Variants in NXPE2 observed in about 807,000 individuals in gnomAD.
NXPE2 encodes the protein NXPE family member 2.
A neutral mutation model predicts 34.4 loss-of-function variants in NXPE2; 34 were observed. That is an observed-to-expected ratio of 0.99 (90% CI 0.75 to 1.31). The LOEUF (loss-of-function observed/expected upper bound fraction) is 1.31. NXPE2 is among the 40% of genes most tolerant of loss of function. NXPE2 has a pLI of 0.00. For synonymous variants in NXPE2, 235 were observed against 231.3 expected, an observed-to-expected ratio of 1.02 and a Z score of -0.15; for missense variants, 649 against 672.5, an observed-to-expected ratio of 0.97 and a Z score of 0.39.
chr11:114,469,335 G>A, the NXPE2 span, among the ~76,000 whole-genome samples: 2 of 151,204 alleles, frequency 1.3e-5, no homozygotes, highest in Admixed American at 6.6e-5. Flanking sequence ...GGATGGTCTC[G>A]ATCTCTTGAC....
the NXPE2 span, among the ~76,000 whole-genome samples, chr11:114,739,590 G>A: frequency 3.3e-5 from 5 of 152,128 alleles, no homozygotes; most frequent in East Asian, 9.7e-4. Flanking sequence ...TGTGTGTGGT[G>A]AGAATACTTA....
At chr11:114,764,225 A>C in the NXPE2 span, among the ~76,000 whole-genome samples, 1 of 152,200 alleles carries the variant, frequency 6.6e-6, no homozygotes, top group African/African-American at 2.4e-5. Context: ...GGGGATAGCT[A>C]GATGTAAATT....
chr11:114,789,783 T>A, the NXPE2 span, among the ~76,000 whole-genome samples: 1 of 152,166 alleles, frequency 6.6e-6, no homozygotes, highest in African/African-American at 2.4e-5. Flanking sequence ...GCTCCACTTA[T>A]CTCCATTATT....
chr11:114,725,359 C>T, the NXPE2 span, among the ~76,000 whole-genome samples: 2 of 152,066 alleles, frequency 1.3e-5, no homozygotes, highest in East Asian at 3.9e-4. Flanking sequence ...TGCCTTTGAC[C>T]TAGTTAAAGC....
chr11:114,497,431 T>C, the NXPE2 span, among the ~76,000 whole-genome samples: 2 of 152,222 alleles, frequency 1.3e-5, no homozygotes, highest in Non-Finnish European at 2.9e-5. Context: ...GCTCCATTTA[T>C]GGTAAGTACC....
the NXPE2 span, among the ~76,000 whole-genome samples, chr11:114,757,016 T>A: frequency 1.3e-5 from 2 of 152,300 alleles, no homozygotes; most frequent in South Asian, 4.2e-4. Flanking sequence ...ACAATAGTCC[T>A]TGTTAATTTA....
the NXPE2 span, among the ~76,000 whole-genome samples, chr11:114,503,890 G>A: frequency 6.6e-6 from 1 of 152,198 alleles, no homozygotes; most frequent in Non-Finnish European, 1.5e-5. Flanking sequence ...GGTCTAACCT[G>A]AGCACTCTTT....
the NXPE2 span, chr11:114,522,310 G>T: frequency 6.2e-7 from 1 of 1,614,062 alleles, no homozygotes; most frequent in Non-Finnish European, 8.5e-7. Context: ...AGGTGATGAC[G>T]ATGGCTGTGT....
the NXPE2 span, among the ~76,000 whole-genome samples, chr11:114,589,975 G>C: frequency 6.6e-6 from 1 of 152,180 alleles, no homozygotes; most frequent in Non-Finnish European, 1.5e-5. Flanking sequence ...TACAGTCTTA[G>C]ATTTAAAGGA....
the NXPE2 span, among the ~76,000 whole-genome samples, chr11:114,803,078 G>T: frequency 0.022 from 3,422 of 152,222 alleles, 63 homozygotes; most frequent in Non-Finnish European, 0.033. Context: ...TCTACTCAGC[G>T]CTCTCCTGCC....
the NXPE2 span, among the ~76,000 whole-genome samples, chr11:114,615,770 C>T: frequency 6.6e-6 from 1 of 151,630 alleles, no homozygotes; most frequent in Non-Finnish European, 1.5e-5. Flanking sequence ...AGTACTGCCT[C>T]ATGGGTAACC....
the NXPE2 span, among the ~76,000 whole-genome samples, chr11:114,626,065 A>G: frequency 3.3e-5 from 5 of 152,216 alleles, no homozygotes; most frequent in Non-Finnish European, 5.9e-5. Context: ...CAGCAGTCTG[A>G]GATCAAACTG....
At chr11:114,771,131 T>C in the NXPE2 span, among the ~76,000 whole-genome samples, 2 of 151,978 alleles carry the variant, frequency 1.3e-5, no homozygotes, top group African/African-American at 4.8e-5. Flanking sequence ...CTTGCAGCAC[T>C]GACTGACTTT....
At chr11:114,785,185 G>T in the NXPE2 span, among the ~76,000 whole-genome samples, 1 of 151,940 alleles carries the variant, frequency 6.6e-6, no homozygotes, top group East Asian at 1.9e-4. Flanking sequence ...GCTTCTGCAT[G>T]AACAAAGCCC....
the NXPE2 span, among the ~76,000 whole-genome samples, chr11:114,578,657 A>T: frequency 1.3e-5 from 2 of 152,154 alleles, 1 homozygote; most frequent in Non-Finnish European, 2.9e-5. Context: ...GAAGGCCAGG[A>T]TGGAGCCACA....
chr11:114,628,883 G>A, the NXPE2 span, among the ~76,000 whole-genome samples: 11 of 151,794 alleles, frequency 7.2e-5, no homozygotes, highest in South Asian at 8.3e-4. Flanking sequence ...ATCAGAGAAT[G>A]CTACAAACAC....
chr11:114,647,969 G>A, the NXPE2 span, among the ~76,000 whole-genome samples: 1 of 151,964 alleles, frequency 6.6e-6, no homozygotes, highest in Non-Finnish European at 1.5e-5. Context: ...CAAAGTTCTG[G>A]GATTACAGGC....
the NXPE2 span, among the ~76,000 whole-genome samples, chr11:114,724,196 G>A: frequency 6.6e-6 from 1 of 152,120 alleles, no homozygotes; most frequent in Non-Finnish European, 1.5e-5. Flanking sequence ...CACCTGAAGG[G>A]TGAGCCAGAT....
chr11:114,582,413 GT>G, the NXPE2 span: 26 of 1,614,064 alleles, frequency 1.6e-5, no homozygotes, highest in Non-Finnish European at 2.5e-6. Flanking sequence ...CTTGGTCTCT[GT>G]TGTCCAGGTA....
Sources: allele counts gnomAD v4.1 joint callset (sites outside exome capture counted in the v4.1 genomes callset), GRCh38; gene constraint gnomAD v4.1.1; transcripts MANE v1.5; gene names NCBI Gene and HGNC (gene_info 2026-07-23, HGNC 2026-07-21).